GVQW3: variants seen among roughly 807,000 people sequenced by gnomAD.
GVQW3 encodes GVQW motif containing 3.
GVQW3 carries 7 observed loss-of-function variants against 12.5 expected under a neutral mutation model. The observed-to-expected ratio is 0.56, with a 90% CI of 0.32 to 1.05. The LOEUF is 1.05. GVQW3 is among the 50% of genes least tolerant of loss of function. GVQW3 has a pLI of 0.04. For missense variants in GVQW3, 188 were observed against 190.8 expected (o/e 0.99, Z 0.09); for synonymous variants, 71 against 67.2 (o/e 1.06, Z -0.28).
At position 76,381,706 on chromosome 11, in the gene GVQW3, C is replaced by T. The variant is rs747051020; in HGVS notation, c.-123C>T. The T allele has an allele frequency of 3.5e-5, 32 of 905,616 alleles. No individual in the cohort carries two copies. Among genetic ancestry groups the T allele is most frequent in the Non-Finnish European group, 5.1e-5 (32 of 627,952 alleles). The allele number at this position is 905,616 out of a possible 1,614,324, so 56.1% of individuals were successfully genotyped here. On this transcript the variant is annotated 5_prime_UTR_variant, in exon 1 of 2. Transcript: ENST00000529331. ...CATAAAAGCAATTACTCTTTCCCGG[C>T]GAGGCTTCTAGAAGAGCAAGAAGAG... is the stretch of plus-strand genomic sequence containing the variant.
intron 1 of GVQW3, chr11:76,394,979 T>G (rs1946926592): frequency 6.6e-6 from 1 of 152,188 alleles, no homozygotes. Context: ...TGCAGGATGT[T>G]TTTCTTCTCT....
chr11:76,391,693 C>T (rs1946893872), intron 1 of GVQW3, among the ~76,000 whole-genome samples: 1 of 152,174 alleles, frequency 6.6e-6, no homozygotes. Context: ...GTGGCTCATA[C>T]CTGTAATCTC....
At chr11:76,393,180 T>C (rs1308158982) in intron 1 of GVQW3, among the ~76,000 whole-genome samples, 2 of 152,184 alleles carry the variant, frequency 1.3e-5, no homozygotes, top group Admixed American at 6.5e-5. Flanking sequence ...AATTGTAGAA[T>C]ACATAAAATG....
chr11:76,390,387 A>T (rs1946879742), intron 1 of GVQW3, among the ~76,000 whole-genome samples: 1 of 152,236 alleles, frequency 6.6e-6, no homozygotes, highest in African/African-American at 2.4e-5. Context: ...AAGTAATGCC[A>T]TCTATCTCAT....
intron 1 of GVQW3, among the ~76,000 whole-genome samples, chr11:76,384,800 G>A (rs1278869148): frequency 6.6e-6 from 1 of 152,194 alleles, no homozygotes; most frequent in Non-Finnish European, 1.5e-5. Context: ...GCTCTAGGTT[G>A]CCCACAAGCA....
intron 1 of GVQW3, chr11:76,383,782 A>ACCCC (rs1565240643): frequency 9.3e-5 from 14 of 150,992 alleles, no homozygotes; most frequent in African/African-American, 3.2e-4. Context: ...TGTCCCAAAA[A>ACCCC]AAAAAAAAAG....
intron 1 of GVQW3, chr11:76,383,329 A>G (rs1207119922): frequency 6.6e-6 from 1 of 152,266 alleles, no homozygotes; most frequent in African/African-American, 2.4e-5. Context: ...GGCATTGACA[A>G]TGTGGAGGTT....
At chr11:76,384,297 A>G (rs973727549) in intron 1 of GVQW3, among the ~76,000 whole-genome samples, 2 of 152,178 alleles carry the variant, frequency 1.3e-5, no homozygotes, top group African/African-American at 2.4e-5. Flanking sequence ...TCCAAAAATT[A>G]CAAGTTCCTC....
chr11:76,391,749 T>C (rs1394771432), intron 1 of GVQW3, among the ~76,000 whole-genome samples: 1 of 151,860 alleles, frequency 6.6e-6, no homozygotes, highest in African/African-American at 2.4e-5. Flanking sequence ...AGGTAAGGAG[T>C]TCGAGACCAA....
At position 76,395,472 on chromosome 11, in the gene GVQW3, G is replaced by A. The variant is rs536753210; in HGVS notation, c.466-8188G>A. ...TGGGTGTTTTTTCAGGTTGGCTTCT[G>A]TGTCTCTTTGATGTGCTTCCAACCT... On this transcript the variant is annotated intron_variant, in intron 1 of 1. Coordinates refer to ENST00000529331, the MANE Select transcript of GVQW3 (RefSeq NM_001347885.2). 3.3e-5 allele frequency among the ~76,000 whole-genome samples: 5 copies of A among 152,348 alleles called. No homozygotes were observed. The East Asian group carries it at 9.6e-4, about 29-fold the overall frequency.
intron 1 of GVQW3, among the ~76,000 whole-genome samples, chr11:76,398,365 G>A (rs1184264246): frequency 6.6e-6 from 1 of 152,114 alleles, no homozygotes; most frequent in Non-Finnish European, 1.5e-5. Flanking sequence ...AAGCTAGAGT[G>A]CAGTGGCTCA....
intron 1 of GVQW3, among the ~76,000 whole-genome samples, chr11:76,390,694 G>T (rs1333220839): frequency 6.6e-6 from 1 of 152,216 alleles, no homozygotes; most frequent in African/African-American, 2.4e-5. Context: ...GGGCGCGGTG[G>T]CGGGCGCCTG....
At chr11:76,390,717 C>T (rs1277553324) in intron 1 of GVQW3, among the ~76,000 whole-genome samples, 1 of 152,072 alleles carries the variant, frequency 6.6e-6, no homozygotes, top group Non-Finnish European at 1.5e-5. Context: ...GTCCCAGCTA[C>T]TCAGGAGGCT....
intron 1 of GVQW3, chr11:76,383,434 G>A (rs1175844542): frequency 2.0e-5 from 3 of 152,240 alleles, no homozygotes; most frequent in African/African-American, 7.2e-5. Context: ...GTGAAATTAG[G>A]GAAAGCTTCC....
chr11:76,401,731 C>A (rs1420017689), intron 1 of GVQW3, among the ~76,000 whole-genome samples: 3 of 146,604 alleles, frequency 2.0e-5, no homozygotes, highest in Non-Finnish European at 4.4e-5. Context: ...TGAGATTGCA[C>A]CATTGCACTC....
At chr11:76,393,819 G>A (rs1039758570) in intron 1 of GVQW3, among the ~76,000 whole-genome samples, 1 of 151,904 alleles carries the variant, frequency 6.6e-6, no homozygotes, top group African/African-American at 2.4e-5. Flanking sequence ...AATCACATCA[G>A]GGTAAATGGG....
chr11:76,405,611 C>G lies in GVQW3; in HGVS notation c.*1853C>G, dbSNP rs1156294975. On this transcript the variant is annotated 3_prime_UTR_variant, in exon 2 of 2. Transcript: ENST00000529331. ...TGTTCCACCCTCCCCTTCAACTGCC[C>G]CTCTAAAGTCTTGTCTTGGAGTCAC... 1.3e-5 allele frequency: 2 copies of G among 152,456 alleles called. No homozygotes were observed. The highest frequency in any genetic ancestry group is 1.3e-4 in the Admixed American group (2 of 15,276). The allele number at this position is 152,456 out of a possible 1,614,324, so 9.4% of individuals were successfully genotyped here.
At chr11:76,402,290 C>T (rs1946997012) in intron 1 of GVQW3, among the ~76,000 whole-genome samples, 1 of 152,104 alleles carries the variant, frequency 6.6e-6, no homozygotes, top group African/African-American at 2.4e-5. Context: ...TGGTGGCTAA[C>T]GCCTGTAATC....
At chr11:76,412,255 A>C (rs1421572215), downstream of GVQW3, 1 of 152,252 alleles carries the variant, frequency 6.6e-6, no homozygotes, top group Non-Finnish European at 1.5e-5. Context: ...AATGTACTGC[A>C]GACAAATGCA....
Sources: gnomAD v4.1 joint callset for allele counts (sites outside exome capture counted in the v4.1 genomes callset) on GRCh38, gnomAD v4.1.1 for gene constraint, MANE v1.5 for transcripts, NCBI Gene and HGNC (gene_info 2026-07-23, HGNC 2026-07-21) for gene names.